CNBD1: variants seen among roughly 807,000 people sequenced by gnomAD.
CNBD1 encodes cyclic nucleotide-binding domain-containing protein 1.
A neutral mutation model predicts 54.4 loss-of-function variants in CNBD1; 71 were observed. The ratio of observed to expected loss-of-function variants is 1.30; its 90% CI spans 1.08 to 1.59. The LOEUF is 1.59. CNBD1 is among the 40% of genes most tolerant of loss of function. The pLI, the probability that CNBD1 is intolerant of heterozygous loss-of-function variation, is 0.00. For synonymous variants in CNBD1, 182 were observed against 170.7 expected, an observed-to-expected ratio of 1.07 and a Z score of -0.51; for missense variants, 659 against 518.0, an observed-to-expected ratio of 1.27 and a Z score of -2.64.
chr8:87,154,663 A>T (rs1443699334), intron 4 of CNBD1, among the ~76,000 whole-genome samples: 3 of 152,178 alleles, frequency 2.0e-5, no homozygotes, highest in Non-Finnish European at 4.4e-5. Flanking sequence ...GAACAATTTG[A>T]CCACAGAATT....
intron 4 of CNBD1, among the ~76,000 whole-genome samples, chr8:87,162,917 G>T (rs575915072): frequency 6.6e-6 from 1 of 152,160 alleles, no homozygotes; most frequent in South Asian, 2.1e-4. Context: ...TCCTGAATTG[G>T]ATTAGGTCCC....
At chr8:86,992,227 C>CTT (rs142515359) in intron 4 of CNBD1, among the ~76,000 whole-genome samples, 2 of 150,946 alleles carry the variant, frequency 1.3e-5, no homozygotes, top group African/African-American at 4.9e-5. Flanking sequence ...ATAGTTAAGT[C>CTT]TTTTTTTTTA....
At chr8:87,026,028 A>G (rs187416281) in intron 4 of CNBD1, among the ~76,000 whole-genome samples, 6 of 152,352 alleles carry the variant, frequency 3.9e-5, no homozygotes, top group African/African-American at 1.4e-4. Flanking sequence ...ATGTTTTAAA[A>G]TAGGTTTATG....
intron 8 of CNBD1, among the ~76,000 whole-genome samples, chr8:87,327,598 A>C (rs1447491322): frequency 6.6e-6 from 1 of 152,244 alleles, no homozygotes; most frequent in East Asian, 1.9e-4. Context: ...TTTTTGACTC[A>C]GAAAGGGAAC....
chr8:87,326,959 T>C (rs1428048637), intron 8 of CNBD1, among the ~76,000 whole-genome samples: 3 of 133,752 alleles, frequency 2.2e-5, no homozygotes, highest in African/African-American at 8.4e-5. Flanking sequence ...TCTTTGATGA[T>C]GGTGATGTAC....
At chr8:86,930,121 C>T (rs544707868) in intron 3 of CNBD1, among the ~76,000 whole-genome samples, 26 of 152,264 alleles carry the variant, frequency 1.7e-4, no homozygotes, top group African/African-American at 6.0e-4. Context: ...CTGGCCATCT[C>T]GCTGTATCCA....
At chr8:86,897,634 G>A (rs1166813236) in intron 2 of CNBD1, among the ~76,000 whole-genome samples, 1 of 152,188 alleles carries the variant, frequency 6.6e-6, no homozygotes, top group Non-Finnish European at 1.5e-5. Flanking sequence ...AATGTCACCA[G>A]TAACAGGATA....
Position 87,029,594 on chromosome 8 carries a change from T to A in CNBD1, c.431+89840T>A, listed in dbSNP as rs569032409. Among the ~76,000 whole-genome samples the A allele has an allele frequency of 2.6e-5, 4 of 152,228 alleles. No homozygotes were observed. In the East Asian group the frequency reaches 7.7e-4, roughly 29 times the overall value. On this transcript the variant is annotated intron_variant, in intron 4 of 10. Transcript: ENST00000518476. ...ATAAATTATGTATATAATTTAGAAA[T>A]CTGGTAATGCCAGAAACCAAAGCAG... is the stretch of plus-strand genomic sequence containing the variant.
At chr8:87,393,823 A>G (rs1265555303) in intron 2 of CNBD1, among the ~76,000 whole-genome samples, 5 of 151,838 alleles carry the variant, frequency 3.3e-5, no homozygotes, top group Non-Finnish European at 7.4e-5. Context: ...ATTTGGATAC[A>G]TTAATGGAAG....
intron 4 of CNBD1, among the ~76,000 whole-genome samples, chr8:87,083,463 T>C (rs1428774623): frequency 5.3e-5 from 8 of 152,152 alleles, no homozygotes; most frequent in African/African-American, 1.9e-4. Context: ...TCCTTTCTAT[T>C]GATCCCAGGT....
chr8:87,310,338 G>A (rs1054973598), intron 8 of CNBD1, among the ~76,000 whole-genome samples: 1 of 152,048 alleles, frequency 6.6e-6, no homozygotes, highest in Non-Finnish European at 1.5e-5. Flanking sequence ...CTGGGTGATA[G>A]AGTACAACAC....
At chr8:86,963,682 A>C (rs1807996165) in intron 4 of CNBD1, among the ~76,000 whole-genome samples, 1 of 152,164 alleles carries the variant, frequency 6.6e-6, no homozygotes, top group Admixed American at 6.5e-5. Flanking sequence ...GATGCCCTTC[A>C]CGGTCATGCT....
rs186720810 is a variant in CNBD1, at chr8:87,175,491, C to T, written c.432-30502C>T. On this transcript the variant is annotated intron_variant, in intron 4 of 10. Transcript: ENST00000518476. ...CCTGCCAGGACTAGGTCACTCCCTT[C>T]GAGGCAAGAAGTTCCCTTCTGGCCC... 9.9e-3 allele frequency among the ~76,000 whole-genome samples: 1,514 copies of T among 152,280 alleles called. 10 individuals carry two copies. The highest frequency in any genetic ancestry group is 0.02 in the South Asian group (95 of 4,828).
intron 4 of CNBD1, among the ~76,000 whole-genome samples, chr8:87,066,597 A>T (rs890872864): frequency 6.6e-6 from 1 of 151,920 alleles, no homozygotes; most frequent in African/African-American, 2.4e-5. Flanking sequence ...AAATATATTG[A>T]TTGTGTAGGA....
chr8:87,280,645 T>C, intron 6 of CNBD1, among the ~76,000 whole-genome samples: 1 of 151,614 alleles, frequency 6.6e-6, no homozygotes, highest in East Asian at 1.9e-4. Flanking sequence ...GGACAAAAAT[T>C]ATACCTATGA....
intron 4 of CNBD1, among the ~76,000 whole-genome samples, chr8:87,013,786 T>G (rs760183427): frequency 7.2e-5 from 11 of 151,844 alleles, no homozygotes; most frequent in Non-Finnish European, 1.3e-4. Context: ...AATGTTATGT[T>G]TAATTGGCAG....
At chr8:87,276,181 C>T (rs991369543) in intron 6 of CNBD1, among the ~76,000 whole-genome samples, 1 of 151,830 alleles carries the variant, frequency 6.6e-6, no homozygotes, top group Non-Finnish European at 1.5e-5. Context: ...AGTTGGCTTG[C>T]TTATCACCTA....
At chr8:86,892,433 C>T (rs1586115977) in intron 2 of CNBD1, among the ~76,000 whole-genome samples, 1 of 152,054 alleles carries the variant, frequency 6.6e-6, no homozygotes, top group Admixed American at 6.5e-5. Flanking sequence ...GAAGTCAACT[C>T]AATCATCTAG....
At chr8:87,360,919 G>C (rs1366265620) in intron 10 of CNBD1, among the ~76,000 whole-genome samples, 1 of 151,822 alleles carries the variant, frequency 6.6e-6, no homozygotes, top group Non-Finnish European at 1.5e-5. Context: ...AGATATATCT[G>C]TTAAGCATTT....
Sources: gnomAD v4.1 joint callset for allele counts (sites outside exome capture counted in the v4.1 genomes callset) on GRCh38, gnomAD v4.1.1 for gene constraint, MANE v1.5 for transcripts, NCBI Gene and HGNC (gene_info 2026-07-23, HGNC 2026-07-21) for gene names.